Variants in CCDC30 observed in about 807,000 individuals in gnomAD.
CCDC30 encodes coiled-coil domain-containing protein 30.
CCDC30 carries 70 observed loss-of-function variants against 100.2 expected under a neutral mutation model. The observed-to-expected ratio is 0.70, with a 90% CI of 0.58 to 0.85. CCDC30 has a LOEUF of 0.85. Ranked by LOEUF, CCDC30 falls within the 40% of genes least tolerant of loss-of-function variation. The probability of loss-of-function intolerance (pLI) is 0.00; values close to 1 mark genes in which losing one functional copy is unlikely to be tolerated. For missense variants in CCDC30, 652 were observed against 771.2 expected (o/e 0.85, Z 1.83); for synonymous variants, 233 against 269.5 (o/e 0.86, Z 1.33).
chr1:42,653,855 C>T (rs185514403), exon 17 of CCDC30: 2 of 1,614,142 alleles, frequency 1.2e-6, no homozygotes, highest in African/African-American at 2.7e-5. Flanking sequence ...ATTTGCAAGT[C>T]TTCAAGAGAC....
chr1:42,654,398 A>T (rs1442019191), downstream of CCDC30: 2 of 195,824 alleles, frequency 1.0e-5, no homozygotes, highest in Admixed American at 5.7e-5. Flanking sequence ...TTTTAAAAAA[A>T]CCCTCCTATG....
intron 6 of CCDC30, among the ~76,000 whole-genome samples, chr1:42,517,160 C>T (rs919150670): frequency 1.7e-4 from 26 of 152,042 alleles, no homozygotes; most frequent in East Asian, 1.2e-3. Context: ...CATAGCTCAC[C>T]GTAACCTCCA....
chr1:42,608,532 C>G (rs138894641), intron 10 of CCDC30, among the ~76,000 whole-genome samples: 2 of 150,778 alleles, frequency 1.3e-5, no homozygotes, highest in Non-Finnish European at 2.9e-5. Flanking sequence ...AAACCCGTCT[C>G]TAGTAAAAAT....
intron 6 of CCDC30, among the ~76,000 whole-genome samples, chr1:42,510,772 G>A (rs1644465523): frequency 6.6e-6 from 1 of 151,998 alleles, no homozygotes; most frequent in Admixed American, 6.6e-5. Flanking sequence ...CTTGAGGGGG[G>A]CCCCAAATAA....
intron 7 of CCDC30, 21 bp downstream of exon 11, chr1:42,566,496 C>A: frequency 6.3e-7 from 1 of 1,599,968 alleles, no homozygotes; most frequent in African/African-American, 1.3e-5. Context: ...TGGGCAAATG[C>A]TTTATGGAAG....
intron 6 of CCDC30, among the ~76,000 whole-genome samples, chr1:42,535,725 T>A (rs114664801): frequency 0.26 from 25,551 of 97,092 alleles, 4,820 homozygotes; most frequent in South Asian, 0.46. Flanking sequence ...ATATAAATTT[T>A]AAAAAATTAA....
chr1:42,578,482 A>T (rs1645889604), intron 8 of CCDC30, among the ~76,000 whole-genome samples: 1 of 152,226 alleles, frequency 6.6e-6, no homozygotes, highest in Non-Finnish European at 1.5e-5. Context: ...CATGTATGTT[A>T]TTCACCATAT....
chr1:42,482,906 C>G (rs1643986559), intron 3 of CCDC30, 90 bp downstream of exon 3: 1 of 854,308 alleles, frequency 1.2e-6, no homozygotes. Context: ...AAAAAAAACA[C>G]TGAGAAACAA....
chr1:42,593,262 G>C (rs1646223327), intron 10 of CCDC30: 1 of 152,128 alleles, frequency 6.6e-6, no homozygotes, highest in South Asian at 2.1e-4. Flanking sequence ...CTTTTTGTAG[G>C]ATGGCTCACA....
At chr1:42,554,030 C>G (rs568362665) in intron 6 of CCDC30, among the ~76,000 whole-genome samples, 1 of 151,964 alleles carries the variant, frequency 6.6e-6, no homozygotes, top group Non-Finnish European at 1.5e-5. Context: ...TGTGTACACA[C>G]GTTAATACAT....
intron 6 of CCDC30, among the ~76,000 whole-genome samples, chr1:42,542,052 C>A (rs560657517): frequency 4.6e-4 from 70 of 152,272 alleles, no homozygotes; most frequent in African/African-American, 1.6e-3. Flanking sequence ...GAAAGTGGAA[C>A]CATAAGCTTA....
chr1:42,653,580 T>C (rs553775174), intron 16 of CCDC30, 137 bp downstream of exon 20: 3 of 653,314 alleles, frequency 4.6e-6, no homozygotes, highest in South Asian at 3.9e-5. Flanking sequence ...TTTCTCTACA[T>C]GAATTATTTG....
intron 1 of CCDC30, chr1:42,473,636 G>A (rs146678189): frequency 1.7e-4 from 37 of 217,450 alleles, no homozygotes; most frequent in African/African-American, 6.8e-4. Context: ...AACTAATGTC[G>A]GCATAGTATC....
chr1:42,562,866 C>T (rs1182204356), intron 6 of CCDC30, among the ~76,000 whole-genome samples: 1 of 152,218 alleles, frequency 6.6e-6, no homozygotes, highest in Non-Finnish European at 1.5e-5. Context: ...CTCAACATCA[C>T]TGATCATCAG....
intron 6 of CCDC30, among the ~76,000 whole-genome samples, chr1:42,526,291 A>G (rs1324001791): frequency 6.6e-6 from 1 of 152,120 alleles, no homozygotes; most frequent in Non-Finnish European, 1.5e-5. Context: ...CCACTCTTCC[A>G]TGTGTAAGGG....
At chr1:42,545,457 AG>A in intron 6 of CCDC30, 2 of 1,599,282 alleles carry the variant, frequency 1.3e-6, no homozygotes, top group South Asian at 1.1e-5. Context: ...ATTTTACTCT[AG>A]GGGGAAAAAC....
At chr1:42,621,365 G>T (rs1646826704) in intron 11 of CCDC30, among the ~76,000 whole-genome samples, 1 of 150,354 alleles carries the variant, frequency 6.7e-6, no homozygotes, top group Admixed American at 6.6e-5. Context: ...CCCAGGCTGG[G>T]AGTGCAGTGG....
At chr1:42,605,112 C>T (rs1289539661) in intron 10 of CCDC30, among the ~76,000 whole-genome samples, 1 of 152,146 alleles carries the variant, frequency 6.6e-6, no homozygotes, top group Non-Finnish European at 1.5e-5. Context: ...ATAATACTTA[C>T]CTTGTATCTG....
intron 6 of CCDC30, among the ~76,000 whole-genome samples, chr1:42,511,031 C>T (rs1403538315): frequency 6.6e-6 from 1 of 151,832 alleles, no homozygotes; most frequent in African/African-American, 2.4e-5. Context: ...GGTCTGTTAC[C>T]CATTTAGAAA....
Sources: gnomAD v4.1 joint callset for allele counts (sites outside exome capture counted in the v4.1 genomes callset) on GRCh38, gnomAD v4.1.1 for gene constraint, MANE v1.5 for transcripts, NCBI Gene and HGNC (gene_info 2026-07-23, HGNC 2026-07-21) for gene names.